The following EPHB1 variants were observed in gnomAD, a reference collection of about 807,000 sequenced individuals.
EPHB1 encodes ephrin type-B receptor 1.
In EPHB1, 30 loss-of-function variants were observed where a neutral mutation model predicts 94.4. The observed-to-expected ratio is 0.32, with a 90% CI of 0.24 to 0.43. EPHB1 has a LOEUF of 0.43. Among genes scored for constraint, EPHB1 ranks in the 20% least tolerant of loss-of-function variants. The pLI, the probability that EPHB1 is intolerant of heterozygous loss-of-function variation, is 1.00. For synonymous variants in EPHB1, 522 were observed against 489.1 expected (o/e 1.07, Z -0.89); for missense variants, 1,055 against 1,308.3 (o/e 0.81, Z 2.99).
chr3:134,955,103 T>TTTTTTTTTTTTTTTTTTTTTTTTTTTTA (rs1559770507), intron 3 of EPHB1, among the ~76,000 whole-genome samples: 1 of 44,510 alleles, frequency 2.2e-5, no homozygotes, highest in Non-Finnish European at 4.1e-5. Flanking sequence ...TTTTTTTTTT[T>TTTTTTTTTTTTTTTTTTTTTTTTTTTTA]AATTTTTTTT....
At chr3:135,256,547 C>G (rs1439498354) in intron 15 of EPHB1, among the ~76,000 whole-genome samples, 1 of 152,088 alleles carries the variant, frequency 6.6e-6, no homozygotes, top group Non-Finnish European at 1.5e-5. Flanking sequence ...AATATTGGCC[C>G]CCACTCTCTT....
At chr3:135,075,698 C>T (rs892659349) in intron 3 of EPHB1, among the ~76,000 whole-genome samples, 1 of 152,176 alleles carries the variant, frequency 6.6e-6, no homozygotes, top group Non-Finnish European at 1.5e-5. Flanking sequence ...AAGCAGCTGG[C>T]AGGAGGCTAC....
intron 3 of EPHB1, among the ~76,000 whole-genome samples, chr3:134,990,598 C>G (rs1934760366): frequency 6.6e-6 from 1 of 152,172 alleles, no homozygotes; most frequent in African/African-American, 2.4e-5. Flanking sequence ...CTGCAGAGAT[C>G]TGTCAGTATC....
At chr3:134,898,556 A>G (rs1396753509) in intron 1 of EPHB1, among the ~76,000 whole-genome samples, 3 of 152,160 alleles carry the variant, frequency 2.0e-5, no homozygotes, top group Non-Finnish European at 4.4e-5. Flanking sequence ...AAGTGACGGT[A>G]GAGTCTGCAC....
intron 1 of EPHB1, among the ~76,000 whole-genome samples, chr3:134,830,723 T>A (rs1220864772): frequency 6.6e-6 from 1 of 152,174 alleles, no homozygotes; most frequent in Non-Finnish European, 1.5e-5. Flanking sequence ...ATGACCGTGT[T>A]CAAGGGTTCC....
intron 1 of EPHB1, among the ~76,000 whole-genome samples, chr3:134,864,294 A>T (rs925365932): frequency 6.6e-6 from 1 of 152,200 alleles, no homozygotes; most frequent in Non-Finnish European, 1.5e-5. Flanking sequence ...CCCAAAGGCC[A>T]GGGGTCTCAT....
intron 3 of EPHB1, among the ~76,000 whole-genome samples, chr3:135,063,354 G>A (rs960132311): frequency 6.6e-6 from 1 of 152,062 alleles, no homozygotes; most frequent in Non-Finnish European, 1.5e-5. Flanking sequence ...TGTCATCTGT[G>A]ATTTCTTTCA....
At chr3:135,170,742 G>T (rs1941783056) in intron 9 of EPHB1, among the ~76,000 whole-genome samples, 1 of 152,162 alleles carries the variant, frequency 6.6e-6, no homozygotes. Context: ...AATCTAAAAG[G>T]TGTTTACAAA....
intron 4 of EPHB1, among the ~76,000 whole-genome samples, chr3:135,119,697 C>T (rs1175936699): frequency 1.3e-5 from 2 of 152,212 alleles, no homozygotes; most frequent in African/African-American, 4.8e-5. Flanking sequence ...AGTGATCCCC[C>T]TGTCTTGGCC....
At chr3:134,804,546 G>T (rs1276495413) in intron 1 of EPHB1, among the ~76,000 whole-genome samples, 1 of 152,104 alleles carries the variant, frequency 6.6e-6, no homozygotes, top group Non-Finnish European at 1.5e-5. Context: ...CCTGGATCTT[G>T]GTGGGTGTGT....
chr3:134,982,453 G>C (rs1453925624), intron 3 of EPHB1, among the ~76,000 whole-genome samples: 1 of 152,168 alleles, frequency 6.6e-6, no homozygotes, highest in African/African-American at 2.4e-5. Context: ...GTGTTCCTGC[G>C]TGAGAAGGCA....
intron 9 of EPHB1, 99 bp from the exon 10 acceptor site, chr3:135,179,761 C>T (rs2107704754): frequency 6.9e-7 from 1 of 1,443,438 alleles, no homozygotes. Flanking sequence ...TGTAGGAGAG[C>T]TCCTCCCAGG....
At chr3:134,954,279 C>T (rs983203637) in intron 3 of EPHB1, among the ~76,000 whole-genome samples, 5 of 152,254 alleles carry the variant, frequency 3.3e-5, no homozygotes, top group African/African-American at 1.2e-4. Context: ...AGGGGACCTT[C>T]GAGCAAAAGT....
Position 135,219,230 on chromosome 3 carries a change from G to T in EPHB1, c.2346+17541G>T, listed in dbSNP as rs577378225. ...TGAAAGGTGTGTTAGCTCTGGAAGGGCCCTGGGATCAGTTGAATTGTATCC... is the reference window on the plus strand; with the variant it reads ...TGAAAGGTGTGTTAGCTCTGGAAGGTCCCTGGGATCAGTTGAATTGTATCC... On this transcript the variant is annotated intron_variant, in intron 12 of 15. Transcript: ENST00000398015. Among the ~76,000 whole-genome samples, 468 of 152,218 alleles carry T rather than the reference G, an allele frequency of 3.1e-3. 2 individuals carry two copies. Among genetic ancestry groups the T allele is most frequent in the Middle Eastern group, 0.017 (5 of 294 alleles).
chr3:135,059,815 C>T (rs1032694830), intron 3 of EPHB1, among the ~76,000 whole-genome samples: 2 of 152,158 alleles, frequency 1.3e-5, no homozygotes, highest in East Asian at 3.9e-4. Flanking sequence ...CCAGTTCTGC[C>T]ACCACTAATG....
At chr3:135,098,986 C>A (rs138485231) in intron 3 of EPHB1, among the ~76,000 whole-genome samples, 1 of 120,060 alleles carries the variant, frequency 8.3e-6, no homozygotes, top group Non-Finnish European at 1.6e-5. Context: ...GCACTCCAGT[C>A]TGGGCAACAG....
chr3:135,132,767 A>T lies in EPHB1; in HGVS notation c.1015A>T (p.Ile339Phe), dbSNP rs2107687191. 1 of 1,612,306 alleles carries T rather than the reference A, an allele frequency of 6.2e-7. No individual in the cohort carries two copies. Among genetic ancestry groups the T allele is most frequent in the Non-Finnish European group, 8.5e-7 (1 of 1,178,554 alleles). ...VISIVNETSI[I>F]LEWHPPRETG... Reference sequence around the variant, plus strand: ...CTCCATCGTCAATGAGACGTCCATCATTCTGGAGTGGCACCCTCCAAGGGA... The same window carrying T: ...CTCCATCGTCAATGAGACGTCCATCTTTCTGGAGTGGCACCCTCCAAGGGA... Residue 339 changes from isoleucine (I) to phenylalanine (F), a missense_variant, in exon 5 of 16, where the codon ATT (isoleucine) becomes TTT (phenylalanine). Ile to Phe is a conservative substitution (Grantham distance 21, BLOSUM62 0). Coordinates refer to ENST00000398015, the MANE Select transcript of EPHB1 (RefSeq NM_004441.5).
At chr3:135,096,882 G>A (rs1188953066) in intron 3 of EPHB1, among the ~76,000 whole-genome samples, 1 of 152,130 alleles carries the variant, frequency 6.6e-6, no homozygotes, top group East Asian at 1.9e-4. Context: ...CGGATCACGA[G>A]GTCGGGAGAT....
chr3:134,795,936 A>C (rs1243189453), intron 1 of EPHB1, among the ~76,000 whole-genome samples: 7 of 151,872 alleles, frequency 4.6e-5, no homozygotes, highest in East Asian at 1.9e-4. Flanking sequence ...TCGCCCCGGC[A>C]CTCCCTGGTA....
Sources: gnomAD v4.1 joint callset for allele counts (sites outside exome capture counted in the v4.1 genomes callset) on GRCh38, gnomAD v4.1.1 for gene constraint, MANE v1.5 for transcripts, NCBI Gene and HGNC (gene_info 2026-07-23, HGNC 2026-07-21) for gene names.